KCNQ5: variants seen among roughly 807,000 people sequenced by gnomAD.
KCNQ5 encodes the protein potassium voltage-gated channel subfamily KQT member 5.
KCNQ5 carries 30 observed loss-of-function variants against 98.2 expected under a neutral mutation model. The observed-to-expected ratio is 0.31, with a 90% CI of 0.23 to 0.41. The LOEUF is 0.41. Among genes scored for constraint, KCNQ5 ranks in the 10% least tolerant of loss-of-function variants. KCNQ5 has a pLI of 1.00. For missense variants in KCNQ5, 835 were observed against 1,182.5 expected (o/e 0.71, Z 4.31); for synonymous variants, 458 against 449.4 (o/e 1.02, Z -0.24).
chr6:72,673,651 G>A (rs1029832318), intron 1 of KCNQ5, among the ~76,000 whole-genome samples: 1 of 152,050 alleles, frequency 6.6e-6, no homozygotes, highest in Non-Finnish European at 1.5e-5. Context: ...AGGAGGACGT[G>A]GAGTGGGAAT....
intron 1 of KCNQ5, among the ~76,000 whole-genome samples, chr6:72,831,803 T>TAG (rs1210748161): frequency 2.0e-5 from 3 of 151,706 alleles, no homozygotes; most frequent in Non-Finnish European, 4.4e-5. Context: ...TGCAGAGCCC[T>TAG]TTTACTAGGG....
At chr6:72,884,050 T>C (rs1156647623) in intron 1 of KCNQ5, among the ~76,000 whole-genome samples, 9 of 152,224 alleles carry the variant, frequency 5.9e-5, no homozygotes, top group African/African-American at 2.2e-4. Flanking sequence ...TCAGAATTTA[T>C]ATGATGAGAT....
intron 3 of KCNQ5, chr6:73,054,998 G>A: frequency 2.2e-6 from 1 of 454,456 alleles, no homozygotes; most frequent in South Asian, 2.0e-5. Context: ...AAAGCTTCAG[G>A]ATACAAAGTC....
At chr6:72,973,644 G>A (rs1463852669) in intron 1 of KCNQ5, among the ~76,000 whole-genome samples, 1 of 151,958 alleles carries the variant, frequency 6.6e-6, no homozygotes, top group South Asian at 2.1e-4. Flanking sequence ...GCTTTTCTTT[G>A]AATTACGGTT....
chr6:72,897,078 A>C (rs539053901), intron 1 of KCNQ5, among the ~76,000 whole-genome samples: 23 of 152,220 alleles, frequency 1.5e-4, no homozygotes, highest in African/African-American at 5.3e-4. Context: ...CCAACATAGA[A>C]AACAGAACGT....
intron 1 of KCNQ5, among the ~76,000 whole-genome samples, chr6:73,001,398 G>A (rs1278998586): frequency 6.6e-6 from 1 of 152,192 alleles, no homozygotes; most frequent in Non-Finnish European, 1.5e-5. Flanking sequence ...CATTGTAGAA[G>A]GCACTGTACC....
At chr6:72,920,634 C>T (rs977569546) in intron 1 of KCNQ5, among the ~76,000 whole-genome samples, 2 of 152,152 alleles carry the variant, frequency 1.3e-5, no homozygotes, top group African/African-American at 4.8e-5. Flanking sequence ...AAAAGCCTGA[C>T]AATCTCTTTT....
At chr6:73,013,751 T>G (rs1223356963) in intron 2 of KCNQ5, among the ~76,000 whole-genome samples, 1 of 152,112 alleles carries the variant, frequency 6.6e-6, no homozygotes, top group Non-Finnish European at 1.5e-5. Flanking sequence ...CTTTCAAGGC[T>G]GACAAGTCTA....
chr6:72,717,529 C>T (rs894776711), intron 1 of KCNQ5, among the ~76,000 whole-genome samples: 3 of 152,096 alleles, frequency 2.0e-5, no homozygotes, highest in Admixed American at 6.5e-5. Context: ...CATGAGAGAA[C>T]ATTCTTGGAT....
intron 1 of KCNQ5, among the ~76,000 whole-genome samples, chr6:72,966,658 T>G (rs1235086525): frequency 9.2e-5 from 14 of 152,286 alleles, no homozygotes; most frequent in Non-Finnish European, 2.1e-4. Context: ...CCTCAAATAT[T>G]TATGCTAAAA....
In KCNQ5 at chr6:73,124,998, T is replaced by C. The variant is rs1165697883; in HGVS notation, c.1247+486T>C. Among the ~76,000 whole-genome samples, 37 of 126,958 alleles carry C rather than the reference T, an allele frequency of 2.9e-4. 1 individual carries two copies. Among genetic ancestry groups the C allele is most frequent in the African/African-American group, 1.0e-3 (35 of 35,108 alleles). The allele number at this position is 126,958 out of a possible 152,430, so 83.3% of individuals were successfully genotyped here. A position where few individuals can be genotyped will look rare whatever the true frequency, so the allele number is the denominator to read the frequency against. On this transcript the variant is annotated intron_variant, in intron 9 of 13. Transcript: ENST00000370398. ...ATATATATACACACACACACATATA[T>C]ATATCATATACATATACACATACAT... is the stretch of plus-strand genomic sequence containing the variant.
At chr6:72,698,958 C>T (rs72935438) in intron 1 of KCNQ5, among the ~76,000 whole-genome samples, 7 of 151,998 alleles carry the variant, frequency 4.6e-5, no homozygotes, top group Non-Finnish European at 8.8e-5. Context: ...CATGCCCAGC[C>T]GACTTAAGTT....
At chr6:72,844,956 G>C (rs148785103) in intron 1 of KCNQ5, among the ~76,000 whole-genome samples, 1 of 152,148 alleles carries the variant, frequency 6.6e-6, no homozygotes, top group Non-Finnish European at 1.5e-5. Flanking sequence ...TTAGCTTGAC[G>C]TGAAACTTTC....
chr6:73,140,324 C>A (rs1776651561), intron 10 of KCNQ5, among the ~76,000 whole-genome samples: 1 of 152,150 alleles, frequency 6.6e-6, no homozygotes, highest in South Asian at 2.1e-4. Flanking sequence ...TTGGTGTTTC[C>A]ACAAAATGCC....
rs944727824 is a variant in KCNQ5 at position 73,057,479 on chromosome 6, T to TA, written c.616+15424dup. Among the ~76,000 whole-genome samples the TA allele has an allele frequency of 4.0e-5, 6 of 151,472 alleles. No individual in the cohort carries two copies. In the South Asian group the frequency reaches 8.4e-4, roughly 21 times the overall value. ...ATGTACCTTAGAACTTAAAGTATAGTAAAAAAATAAATAAATAAATAAAAA... is the reference window on the plus strand; with the variant it reads ...ATGTACCTTAGAACTTAAAGTATAGTAAAAAAAATAAATAAATAAATAAAAA... On this transcript the variant is annotated intron_variant, in intron 3 of 13. Coordinates refer to ENST00000370398, the MANE Select transcript of KCNQ5 (RefSeq NM_019842.4).
intron 1 of KCNQ5, among the ~76,000 whole-genome samples, chr6:72,839,427 T>A (rs1731855750): frequency 6.6e-6 from 1 of 152,250 alleles, no homozygotes. Context: ...ATTTCTCCCT[T>A]AAAAGTAGAT....
Position 73,063,667 on chromosome 6 carries a change from T to TGATAGATAGATAGATA in KCNQ5, c.617-13651_617-13636dup, listed in dbSNP as rs1554203587. ...TACAGATAGATGATAGATAGATAGA[T>TGATAGATAGATAGATA]GATAGATAGATAGATAGATGATAGA... On this transcript the variant is annotated intron_variant, in intron 3 of 13. Transcript: ENST00000370398. Among the ~76,000 whole-genome samples, 239 of 64,458 alleles carry TGATAGATAGATAGATA rather than the reference T, an allele frequency of 3.7e-3. 5 individuals are homozygous for TGATAGATAGATAGATA. The highest frequency in any genetic ancestry group is 0.017 in the East Asian group (43 of 2,558). 42.3% of individuals were successfully genotyped at this position (64,458 alleles called of 152,430 possible). A position where few individuals can be genotyped will look rare whatever the true frequency, so the allele number is the denominator to read the frequency against.
At chr6:72,692,595 G>A (rs1256300643) in intron 1 of KCNQ5, among the ~76,000 whole-genome samples, 1 of 152,216 alleles carries the variant, frequency 6.6e-6, no homozygotes, top group Non-Finnish European at 1.5e-5. Context: ...TTTCTAAGGT[G>A]ATGAAGAACA....
At chr6:73,043,240 A>G (rs956792234) in intron 3 of KCNQ5, 15 of 280,580 alleles carry the variant, frequency 5.3e-5, no homozygotes, top group African/African-American at 3.3e-4. Context: ...GTCTCCACTT[A>G]TTAAACCAGA....
Sources: allele counts gnomAD v4.1 joint callset (sites outside exome capture counted in the v4.1 genomes callset), GRCh38; gene constraint gnomAD v4.1.1; transcripts MANE v1.5; gene names NCBI Gene and HGNC (gene_info 2026-07-23, HGNC 2026-07-21).